Variants in SELENBP1 observed in about 807,000 individuals in gnomAD.
SELENBP1 encodes methanethiol oxidase.
Under a neutral mutation model 61.0 loss-of-function variants are expected in SELENBP1, and 71 were observed. The observed-to-expected ratio is 1.16, with a 90% CI of 0.96 to 1.42. The LOEUF is 1.42. Among genes scored for constraint, SELENBP1 ranks in the 40% most tolerant of loss-of-function variants. The probability of loss-of-function intolerance (pLI) is 0.00; values close to 1 mark genes in which losing one functional copy is unlikely to be tolerated. For synonymous variants in SELENBP1, 270 were observed against 238.9 expected (o/e 1.13, Z -1.20); for missense variants, 561 against 605.0 (o/e 0.93, Z 0.76).
In SELENBP1 at chr1:151,369,534, A is replaced by G; in HGVS notation, c.82T>C (p.Tyr28His). 1 of 1,609,660 alleles carries G rather than the reference A, an allele frequency of 6.2e-7. No homozygotes were observed. The highest frequency in any genetic ancestry group is 8.5e-7 in the Non-Finnish European group (1 of 1,178,252). ...GTGTTTCGGTAAATGCAGGGCAGGT[A>G]GACGATCTCTTCCCTGGGTCCTGCA... ...AMKGPREEIVYLPCIYRNTGT... is the reference protein window; with the variant it reads ...AMKGPREEIVHLPCIYRNTGT... Residue 28 changes from tyrosine to histidine, a missense_variant, in exon 3 of 12, where the codon TAC becomes CAC. Physicochemically the swap from Tyr to His is moderately conservative, Grantham distance 83. Coordinates refer to ENST00000368868, the MANE Select transcript of SELENBP1 (RefSeq NM_003944.4).
At chr1:151,365,469 C>T in intron 9 of SELENBP1, 94 bp downstream of exon 9, 1 of 1,587,686 alleles carries the variant, frequency 6.3e-7, no homozygotes. Flanking sequence ...GCACCTCCCT[C>T]AACATCCTGC....
intron 1 of SELENBP1, among the ~76,000 whole-genome samples, chr1:151,371,303 G>A (rs1652126757): frequency 1.3e-5 from 2 of 152,090 alleles, no homozygotes; most frequent in African/African-American, 4.8e-5. Flanking sequence ...AGCTACTTGG[G>A]AGGCTGAGGC....
In SELENBP1 at chr1:151,366,269, T is replaced by C; in HGVS notation, c.843+6A>G. The C allele has an allele frequency of 1.2e-6, 2 of 1,611,404 alleles. No individual in the cohort carries two copies. Among genetic ancestry groups the C allele is most frequent in the South Asian group, 1.1e-5 (1 of 90,982 alleles). ...TGGGAGGGGAGGGCCAGAGGGCGTA[T>C]GTCACCTCGTTCTTGTAGAAGCGCT... On this transcript the variant is annotated splice_donor_region_variant and intron_variant, in intron 7 of 11. Coordinates refer to ENST00000368868, the MANE Select transcript of SELENBP1 (RefSeq NM_003944.4).
At chr1:151,365,304 T>A (rs1039294086) in intron 9 of SELENBP1, 23 bp from the exon 10 acceptor site, 3 of 1,604,500 alleles carry the variant, frequency 1.9e-6, no homozygotes, top group Non-Finnish European at 2.6e-6. Context: ...GTGCAGAGTA[T>A]AAGGAGGACC....
rs763454190 is a variant in SELENBP1 at position 151,368,280 on chromosome 1, C to G, written c.400G>C (p.Ala134Pro). The G allele has an allele frequency of 3.5e-5, 57 of 1,614,180 alleles. No homozygotes were observed. The highest frequency in any genetic ancestry group is 3.3e-4 in the Middle Eastern group (2 of 6,062). Reference protein sequence around the residue: ...PKDIHAKCELAFLHTSHCLAS... With the variant: ...PKDIHAKCELPFLHTSHCLAS... The stretch of plus-strand genomic sequence containing the variant: ...AGGCAGTGGCTGGTGTGGAGAAAGG[C>G]CAGTTCGCACTTGGCATGGATGTCC... Residue 134 changes from alanine to proline, a missense_variant, in exon 5 of 12, where the codon GCC becomes CCC. Transcript: ENST00000368868.
In SELENBP1 at chr1:151,365,182, C is replaced by A; in HGVS notation, c.1137+7G>T. Reference sequence around the variant, plus strand: ...GGGGTCCAGCAAGTAGGGGGAGAGGCTCTTACCTTGACCACTAGGGGCTCT... The same window carrying A: ...GGGGTCCAGCAAGTAGGGGGAGAGGATCTTACCTTGACCACTAGGGGCTCT... On this transcript the variant is annotated splice_region_variant and intron_variant, in intron 10 of 11. Transcript: ENST00000368868. The A allele has an allele frequency of 6.2e-7, 1 of 1,613,120 alleles. No individual in the cohort carries two copies. The highest frequency in any genetic ancestry group is 8.5e-7 in the Non-Finnish European group (1 of 1,179,278).
chr1:151,369,832 C>A (rs766284008), intron 1 of SELENBP1, 63 bp from the exon 2 acceptor site: 2 of 1,551,586 alleles, frequency 1.3e-6, no homozygotes, highest in African/African-American at 2.7e-5. Context: ...TCCCTCCGCA[C>A]GTTCTGCAGC....
In SELENBP1 at chr1:151,367,960, C is replaced by T. The variant is rs542693278; in HGVS notation, c.481+239G>A. ...GGGATTAGAGGAGTGAGGCACAACACCTGGCCTGTTTTGACTATAACTTTG... is the reference window on the plus strand; with the variant it reads ...GGGATTAGAGGAGTGAGGCACAACATCTGGCCTGTTTTGACTATAACTTTG... On this transcript the variant is annotated intron_variant, in intron 5 of 11. Transcript: ENST00000368868. Among the ~76,000 whole-genome samples, 23 of 152,356 alleles carry T rather than the reference C, an allele frequency of 1.5e-4. No homozygotes were observed. In the South Asian group the frequency reaches 4.6e-3, roughly 30 times the overall value.
In SELENBP1 at chr1:151,364,706, C is replaced by T; in HGVS notation, c.1257-1G>A. On this transcript the variant is annotated splice_acceptor_variant, in intron 11 of 11. Transcript: ENST00000368868. LOFTEE classifies it high-confidence loss of function. ...AACCTGCAGCATCACAGAGCCTTCC[C>T]TGGTGGAAAAGGGAATGGGGTAAGG... The T allele has an allele frequency of 6.3e-7, 1 of 1,575,494 alleles. No individual in the cohort carries two copies.
chr1:151,366,145 A>C, intron 7 of SELENBP1, 130 bp downstream of exon 7: 1 of 1,130,086 alleles, frequency 8.8e-7, no homozygotes, highest in South Asian at 1.5e-5. Context: ...GCACTGAGAG[A>C]AGAGAGACAG....
At chr1:151,372,486 G>C (rs1161446570) in intron 1 of SELENBP1, 152 bp downstream of exon 1, 18 of 941,082 alleles carry the variant, frequency 1.9e-5, no homozygotes, top group Non-Finnish European at 2.2e-5. Flanking sequence ...GGGTGGTGGG[G>C]GAGGGGGTGT....
At chr1:151,365,069 C>A in intron 10 of SELENBP1, 25 bp from the exon 11 acceptor site, 1 of 1,598,102 alleles carries the variant, frequency 6.3e-7, no homozygotes, top group Non-Finnish European at 8.5e-7. Flanking sequence ...GGGTCAGAGC[C>A]CAGGGTAACA....
intron 4 of SELENBP1, 72 bp from the exon 5 acceptor site, chr1:151,368,391 C>CCT: frequency 6.4e-7 from 1 of 1,571,914 alleles, no homozygotes; most frequent in Non-Finnish European, 8.7e-7. Context: ...CCATACTTCC[C>CCT]CTACTTCTAT....
At chr1:151,366,973 T>C in intron 5 of SELENBP1, 69 bp from the exon 6 acceptor site, 1 of 1,562,124 alleles carries the variant, frequency 6.4e-7, no homozygotes, top group Non-Finnish European at 8.7e-7. Flanking sequence ...TCCAGCCCTC[T>C]CCCCGAGGCA....
At chr1:151,365,114 A>G in intron 10 of SELENBP1, 70 bp from the exon 11 acceptor site, 1 of 1,583,184 alleles carries the variant, frequency 6.3e-7, no homozygotes, top group Non-Finnish European at 8.6e-7. Flanking sequence ...CCCCAAGAGT[A>G]TGCTCAGCTG....
In SELENBP1 at chr1:151,369,612, G is replaced by A. The variant is rs530185845; in HGVS notation, c.62-58C>T. The stretch of plus-strand genomic sequence containing the variant: ...AGGGTGGGAAGGAAAGGTAGGGGAA[G>A]TGCTGGGTGTGCCAGAGGGTGGGGG... On this transcript the variant is annotated intron_variant, in intron 2 of 11. Transcript: ENST00000368868. 5.8e-6 allele frequency: 9 copies of A among 1,553,930 alleles called. No homozygotes were observed. The South Asian group carries it at 9.5e-5, about 16-fold the overall frequency.
At chr1:151,365,157 G>C (rs1448477194) in intron 10 of SELENBP1, 32 bp downstream of exon 10, 1 of 1,604,404 alleles carries the variant, frequency 6.2e-7, no homozygotes, top group Non-Finnish European at 8.5e-7. Flanking sequence ...ATGGGTCTGA[G>C]GGGTCCAGCA....
At chr1:151,367,460 G>GTCTTACA (rs1651905583) in intron 5 of SELENBP1, 1 of 117,242 alleles carries the variant, frequency 8.5e-6, no homozygotes, top group Non-Finnish European at 2.0e-5. Flanking sequence ...TGGCAGGGGG[G>GTCTTACA]CCTTTACGCC....
rs763811648 is a variant in SELENBP1, at chr1:151,365,863, A to C, written c.844-17T>G. ...TGTACCTCCCTACATTGAGGGGTGG[A>C]GGGTGAGGTTAGCTGGCAGAGAGGT... is the stretch of plus-strand genomic sequence containing the variant. On this transcript the variant is annotated splice_polypyrimidine_tract_variant and intron_variant, in intron 7 of 11. Transcript: ENST00000368868. 1 of 1,613,404 alleles carries C rather than the reference A, an allele frequency of 6.2e-7. No homozygotes were observed. The highest frequency in any genetic ancestry group is 8.5e-7 in the Non-Finnish European group (1 of 1,179,580).
Sources: gnomAD v4.1 joint callset for allele counts (sites outside exome capture counted in the v4.1 genomes callset) on GRCh38, gnomAD v4.1.1 for gene constraint, MANE v1.5 for transcripts, NCBI Gene and HGNC (gene_info 2026-07-23, HGNC 2026-07-21) for gene names.